The following RCC2 variants were observed in gnomAD, a reference collection of about 807,000 sequenced individuals.
RCC2 encodes the protein protein RCC2.
In RCC2, 19 loss-of-function variants were observed where a neutral mutation model predicts 64.1. That is an observed-to-expected ratio of 0.30 (90% CI 0.21 to 0.44). The LOEUF (loss-of-function observed/expected upper bound fraction) is 0.44. Ranked by LOEUF, RCC2 falls within the 20% of genes least tolerant of loss-of-function variation. The pLI, the probability that RCC2 is intolerant of heterozygous loss-of-function variation, is 1.00. For missense variants in RCC2, 508 were observed against 710.4 expected, an observed-to-expected ratio of 0.72 and a Z score of 3.24; for synonymous variants, 325 against 279.6, an observed-to-expected ratio of 1.16 and a Z score of -1.62.
At chr1:17,425,725 G>C (rs1432562065) in intron 3 of RCC2, 41 bp from the exon 4 acceptor site, 1 of 1,569,084 alleles carries the variant, frequency 6.4e-7, no homozygotes, top group Non-Finnish European at 8.7e-7. Context: ...ACCTGGGGTG[G>C]TGGGGTGACC....
At chr1:17,433,045 C>T (rs2075699861) in intron 2 of RCC2, among the ~76,000 whole-genome samples, 3 of 152,124 alleles carry the variant, frequency 2.0e-5, no homozygotes, top group South Asian at 2.1e-4. Context: ...CATATACATA[C>T]GTGTGTATAC....
intron 2 of RCC2, among the ~76,000 whole-genome samples, chr1:17,430,488 CAAA>C (rs370012940): frequency 3.1e-5 from 4 of 128,636 alleles, no homozygotes; most frequent in Admixed American, 8.0e-5. Context: ...GGCCTTGTCT[CAAA>C]AAAAAAAAAA....
intron 2 of RCC2, among the ~76,000 whole-genome samples, chr1:17,432,887 G>C (rs1164973202): frequency 6.6e-6 from 1 of 152,218 alleles, no homozygotes; most frequent in African/African-American, 2.4e-5. Context: ...GAACCCGGGA[G>C]GCGGGGCTTG....
intron 12 of RCC2, 53 bp downstream of exon 12, chr1:17,409,920 AC>A: frequency 1.4e-6 from 2 of 1,428,404 alleles, no homozygotes; most frequent in Non-Finnish European, 2.0e-6. Flanking sequence ...ATGAGGAGTG[AC>A]ATACCACTGG....
rs139198171 is a variant in RCC2 at position 17,414,569 on chromosome 1, CA to C, written c.1027-853del. Among the ~76,000 whole-genome samples the C allele has an allele frequency of 8.0e-4, 113 of 140,436 alleles. 1 individual carries two copies. Among genetic ancestry groups the C allele is most frequent in the African/African-American group, 2.6e-3 (99 of 38,312 alleles). 92.1% of individuals were successfully genotyped at this position (140,436 alleles called of 152,430 possible). The stretch of plus-strand genomic sequence containing the variant: ...AAACGAAACAAAAAAAAAAACACAA[CA>C]AAAAAAAAACAGATTCAATTGCAGA... On this transcript the variant is annotated intron_variant, in intron 8 of 12. Coordinates refer to ENST00000375436, the MANE Select transcript of RCC2 (RefSeq NM_018715.4).
At chr1:17,410,178 C>A in intron 11 of RCC2, 127 bp from the exon 12 acceptor site, 1 of 772,100 alleles carries the variant, frequency 1.3e-6, no homozygotes, top group South Asian at 1.6e-5. Context: ...TGGCCCATGA[C>A]AAGCCCGGCC....
chr1:17,406,816 A>AT lies in RCC2; in HGVS notation c.*2273_*2274insA, dbSNP rs1341351904. ...TGTTTACTCCAAGAAATATATATAT[A>AT]AAAAAAATAATAAGACAATTACAGC... On this transcript the variant is annotated 3_prime_UTR_variant, in exon 13 of 13. Transcript: ENST00000375436. 2.0e-5 allele frequency: 3 copies of AT among 152,162 alleles called. No homozygotes were observed. The highest frequency in any genetic ancestry group is 6.5e-5 in the Admixed American group (1 of 15,290). 9.4% of individuals were successfully genotyped at this position (152,162 alleles called of 1,614,324 possible). A position where few individuals can be genotyped will look rare whatever the true frequency, so the allele number is the denominator to read the frequency against.
intron 7 of RCC2, among the ~76,000 whole-genome samples, chr1:17,417,373 T>G (rs1478724795): frequency 6.6e-6 from 1 of 152,162 alleles, no homozygotes; most frequent in Non-Finnish European, 1.5e-5. Flanking sequence ...TCCCACACTG[T>G]GATCATCAGT....
In RCC2 at chr1:17,406,827, TAAGAC is replaced by T. The variant is rs2075365665; in HGVS notation, c.*2258_*2262del. ...AGAAATATATATATAAAAAAAATAA[TAAGAC>T]AATTACAGCACTAAACCAGGCACCT... On this transcript the variant is annotated 3_prime_UTR_variant, in exon 13 of 13. Coordinates refer to ENST00000375436, the MANE Select transcript of RCC2 (RefSeq NM_018715.4). 1 of 152,122 alleles carries T rather than the reference TAAGAC, an allele frequency of 6.6e-6. No homozygotes were observed. The highest frequency in any genetic ancestry group is 1.5e-5 in the Non-Finnish European group (1 of 68,004). The allele number at this position is 152,122 out of a possible 1,614,324, so 9.4% of individuals were successfully genotyped here. A position where few individuals can be genotyped will look rare whatever the true frequency, so the allele number is the denominator to read the frequency against.
chr1:17,416,980 A>G (rs1051149987), intron 7 of RCC2, among the ~76,000 whole-genome samples: 2 of 152,160 alleles, frequency 1.3e-5, no homozygotes, highest in Non-Finnish European at 2.9e-5. Context: ...GCAAAAGAAA[A>G]CTTATTTCTT....
At chr1:17,430,914 C>CA (rs1268745255) in intron 2 of RCC2, among the ~76,000 whole-genome samples, 2 of 151,866 alleles carry the variant, frequency 1.3e-5, no homozygotes, top group Non-Finnish European at 2.9e-5. Context: ...GACAGGGTTT[C>CA]ACTATGTTGG....
At chr1:17,410,609 G>C (rs1247402072) in intron 11 of RCC2, among the ~76,000 whole-genome samples, 1 of 152,226 alleles carries the variant, frequency 6.6e-6, no homozygotes, top group Non-Finnish European at 1.5e-5. Context: ...CTTGTGCAAA[G>C]GTGTGGAGCT....
intron 7 of RCC2, among the ~76,000 whole-genome samples, chr1:17,420,309 C>T (rs1570185174): frequency 1.3e-5 from 2 of 152,264 alleles, no homozygotes; most frequent in African/African-American, 2.4e-5. Flanking sequence ...CGTGGCAACC[C>T]GAAATAATCG....
At chr1:17,411,788 C>T (rs1359558473) in intron 11 of RCC2, among the ~76,000 whole-genome samples, 3 of 152,164 alleles carry the variant, frequency 2.0e-5, no homozygotes, top group Non-Finnish European at 4.4e-5. Flanking sequence ...GAGTTTCCCA[C>T]TGACTTAGGC....
chr1:17,433,519 G>GT (rs1168379911), intron 2 of RCC2, among the ~76,000 whole-genome samples: 2 of 152,314 alleles, frequency 1.3e-5, no homozygotes, highest in African/African-American at 2.4e-5. Context: ...CCTACGGATT[G>GT]TTTTTTTGGA....
chr1:17,431,359 A>ATAAAAAATATAT (rs1265674393), intron 2 of RCC2, among the ~76,000 whole-genome samples: 2 of 44,936 alleles, frequency 4.5e-5, no homozygotes, highest in Non-Finnish European at 7.6e-5. Context: ...AAAAAAAAAA[A>ATAAAAAATATAT]ATATATATAT....
intron 2 of RCC2, among the ~76,000 whole-genome samples, chr1:17,436,082 G>C (rs940997768): frequency 6.6e-6 from 1 of 152,170 alleles, no homozygotes; most frequent in Non-Finnish European, 1.5e-5. Flanking sequence ...GGTTTTAAGT[G>C]GATAGAGAAA....
chr1:17,433,964 G>C (rs959645373), intron 2 of RCC2, among the ~76,000 whole-genome samples: 2 of 152,120 alleles, frequency 1.3e-5, no homozygotes, highest in African/African-American at 4.8e-5. Flanking sequence ...ATCTGTCTCA[G>C]GGTCCACAAA....
At chr1:17,419,418 T>G (rs1248316499) in intron 7 of RCC2, among the ~76,000 whole-genome samples, 1 of 152,172 alleles carries the variant, frequency 6.6e-6, no homozygotes, top group Non-Finnish European at 1.5e-5. Flanking sequence ...GCACAAGGCA[T>G]GAGTGTGTGT....
Sources: allele counts gnomAD v4.1 joint callset (sites outside exome capture counted in the v4.1 genomes callset), GRCh38; gene constraint gnomAD v4.1.1; transcripts MANE v1.5; gene names NCBI Gene and HGNC (gene_info 2026-07-23, HGNC 2026-07-21).